The following DECR2 variants were observed in gnomAD, a reference collection of about 807,000 sequenced individuals.
The protein encoded by DECR2 is peroxisomal 2,4-dienoyl-CoA reductase [(3E)-enoyl-CoA-producing].
Under a neutral mutation model 29.2 loss-of-function variants are expected in DECR2, and 34 were observed. That is an observed-to-expected ratio of 1.16 (90% CI 0.89 to 1.55). DECR2 has a LOEUF of 1.55. DECR2 is among the 40% of genes most tolerant of loss of function. The pLI is 0.00. For synonymous variants in DECR2, 224 were observed against 182.7 expected (o/e 1.23, Z -1.82); for missense variants, 485 against 425.3 (o/e 1.14, Z -1.23).
Position 411,521 on chromosome 16 carries a change from G to A in DECR2, c.822G>A (p.Thr274=), listed in dbSNP as rs781188828. The A allele has an allele frequency of 6.7e-5, 108 of 1,613,946 alleles. No homozygotes were observed. Among genetic ancestry groups the A allele is most frequent in the Non-Finnish European group, 8.8e-5 (104 of 1,180,012 alleles). Residue 274 remains threonine (T), a synonymous_variant, in exon 8 of 9, where the codon ACG becomes ACA. Coordinates refer to ENST00000219481, the MANE Select transcript of DECR2 (RefSeq NM_020664.4). Reference sequence around the variant, plus strand: ...TGGCCGATGGCGGGGCATGGTTGACGTTCCCAAACGGTGTCAAAGGGCTGC... The same window carrying A: ...TGGCCGATGGCGGGGCATGGTTGACATTCCCAAACGGTGTCAAAGGGCTGC... ...VLVADGGAWL[T]FPNGVKGLPD... is the part of the protein sequence containing the mutation.
intron 2 of DECR2, among the ~76,000 whole-genome samples, chr16:405,857 T>A (rs117498038): frequency 2.2e-4 from 33 of 152,318 alleles, no homozygotes; most frequent in African/African-American, 7.7e-4. Flanking sequence ...GACTTCTTTG[T>A]GCTCTTTCGC....
At chr16:404,887 C>T in intron 1 of DECR2, 69 bp from the exon 2 acceptor site, 1 of 1,559,726 alleles carries the variant, frequency 6.4e-7, no homozygotes, top group Non-Finnish European at 8.8e-7. Flanking sequence ...CTTGGCCTTC[C>T]AAAGTGCTGG....
intron 1 of DECR2, among the ~76,000 whole-genome samples, chr16:404,262 A>G (rs1195610365): frequency 6.6e-6 from 1 of 151,798 alleles, no homozygotes; most frequent in African/African-American, 2.4e-5. Flanking sequence ...TTTTAAGACC[A>G]TGTTTCGCTC....
chr16:411,565 C>A lies in DECR2; in HGVS notation c.866C>A (p.Ser289Tyr), dbSNP rs1197745339. 1 of 1,612,438 alleles carries A rather than the reference C, an allele frequency of 6.2e-7. No individual in the cohort carries two copies. The highest frequency in any genetic ancestry group is 1.7e-5 in the Admixed American group (1 of 59,890). The change falls in exon 8 of 9, where the codon TCT becomes TAT. Residue 289 changes from serine to tyrosine, a missense_variant. Coordinates refer to ENST00000219481, the MANE Select transcript of DECR2 (RefSeq NM_020664.4). ...GGGCTGCCGGATTTCGCATCCTTCT[C>A]TGCTAAGCTCTAGGTGAGGTACTGC... ...VKGLPDFASF[S>Y]AKL is the part of the protein sequence containing the mutation.
intron 2 of DECR2, chr16:405,568 G>T: frequency 1.5e-6 from 2 of 1,304,596 alleles, no homozygotes; most frequent in Non-Finnish European, 2.0e-6. Flanking sequence ...CCTAGCAGGG[G>T]TAGCTACCTT....
intron 4 of DECR2, among the ~76,000 whole-genome samples, chr16:408,276 C>T (rs547786541): frequency 3.8e-4 from 54 of 142,058 alleles, no homozygotes; most frequent in Middle Eastern, 4.1e-3. Flanking sequence ...CCTCTGTCTC[C>T]GGCCCCATCT....
chr16:405,618 C>T, intron 2 of DECR2: 1 of 1,302,960 alleles, frequency 7.7e-7, no homozygotes, highest in Non-Finnish European at 1.0e-6. Flanking sequence ...ACCAGAAGAG[C>T]CGAGAAACCA....
In DECR2 at chr16:411,093, GC is replaced by G. The variant is rs2054813268; in HGVS notation, c.661+20del. On this transcript the variant is annotated intron_variant, in intron 7 of 8. Transcript: ENST00000219481. ...GGCGACTGGGTAAGGCTCTCAGGGAGCCCAGGCCTCCCACAGATCCTCTCCT... is the reference window on the plus strand; with the variant it reads ...GGCGACTGGGTAAGGCTCTCAGGGAGCCAGGCCTCCCACAGATCCTCTCCT... The G allele has an allele frequency of 1.3e-6, 2 of 1,490,054 alleles. No homozygotes were observed. Among genetic ancestry groups the G allele is most frequent in the Non-Finnish European group, 1.8e-6 (2 of 1,122,916 alleles). 92.3% of individuals were successfully genotyped at this position (1,490,054 alleles called of 1,614,324 possible).
chr16:402,413 G>T (rs1348094650), intron 1 of DECR2, among the ~76,000 whole-genome samples: 1 of 151,902 alleles, frequency 6.6e-6, no homozygotes, highest in African/African-American at 2.4e-5. Flanking sequence ...GGATTTACAG[G>T]CGTGAGCCAC....
chr16:410,600 C>T lies in DECR2; in HGVS notation c.463-91C>T. Reference sequence around the variant, plus strand: ...CCCCTGACGGCCGCCCGCTCCCTGCCCCGGGCCTCCCCCTGACAGCCACCC... The same window carrying T: ...CCCCTGACGGCCGCCCGCTCCCTGCTCCGGGCCTCCCCCTGACAGCCACCC... On this transcript the variant is annotated intron_variant, in intron 5 of 8. Coordinates refer to ENST00000219481, the MANE Select transcript of DECR2 (RefSeq NM_020664.4). The surrounding 1 kb of genome is among the most constrained non-coding windows in gnomAD (Gnocchi z 4.1). 2 of 1,412,764 alleles carry T rather than the reference C, an allele frequency of 1.4e-6. No individual in the cohort carries two copies. The highest frequency in any genetic ancestry group is 2.8e-5 in the African/African-American group (2 of 70,840). 87.5% of individuals were successfully genotyped at this position (1,412,764 alleles called of 1,614,324 possible).
chr16:408,114 T>TCTGTCTCCAGCCCC (rs1327159345), intron 4 of DECR2, among the ~76,000 whole-genome samples: 1,160 of 7,912 alleles, frequency 0.15, 556 homozygotes, highest in South Asian at 0.5. Context: ...TCTCCGGACC[T>TCTGTCTCCAGCCCC]CTGTCTCCGG....
intron 4 of DECR2, 69 bp downstream of exon 4, chr16:407,629 T>G: frequency 6.3e-7 from 1 of 1,588,716 alleles, no homozygotes; most frequent in South Asian, 1.1e-5. Flanking sequence ...GCCCTAGAAC[T>G]CTGGTCATGG....
chr16:402,738 C>G (rs1346572601), intron 1 of DECR2, among the ~76,000 whole-genome samples: 1 of 151,706 alleles, frequency 6.6e-6, no homozygotes, highest in Non-Finnish European at 1.5e-5. Flanking sequence ...AATCCCAGCT[C>G]TTTGGGAGGC....
At chr16:402,939 C>T (rs376632749) in intron 1 of DECR2, 10 of 719,268 alleles carry the variant, frequency 1.4e-5, no homozygotes, top group East Asian at 1.3e-4. Context: ...GAGCCGAGAT[C>T]GCACCATTGC....
In DECR2 at chr16:401,994, G is replaced by A. The variant is rs1323637285; in HGVS notation, c.31G>A (p.Asp11Asn). The A allele has an allele frequency of 1.3e-6, 2 of 1,491,224 alleles. No homozygotes were observed. Among genetic ancestry groups the A allele is most frequent in the East Asian group, 2.9e-5 (1 of 34,570 alleles). The allele number at this position is 1,491,224 out of a possible 1,614,324, so 92.4% of individuals were successfully genotyped here. A position where few individuals can be genotyped will look rare whatever the true frequency, so the allele number is the denominator to read the frequency against. Reference sequence around the variant, plus strand: ...CCAGCCGCCGCCCGACGTGGAGGGGGACGACTGTCTCCCCGCGTACCGCCA... The same window carrying A: ...CCAGCCGCCGCCCGACGTGGAGGGGAACGACTGTCTCCCCGCGTACCGCCA... Reference protein sequence around the residue: MAQPPPDVEGDDCLPAYRHLF... With the variant: MAQPPPDVEGNDCLPAYRHLF... The change falls in exon 1 of 9, where the codon GAC becomes AAC. Residue 11 changes from aspartate to asparagine, a missense_variant. By Grantham distance (23) the Asp-to-Asn change is conservative (BLOSUM62 1). Coordinates refer to ENST00000219481, the MANE Select transcript of DECR2 (RefSeq NM_020664.4).
intron 1 of DECR2, among the ~76,000 whole-genome samples, chr16:403,525 A>G (rs754687301): frequency 3.9e-5 from 6 of 152,190 alleles, no homozygotes; most frequent in Non-Finnish European, 8.8e-5. Context: ...AGTGCCATGC[A>G]GGGCTTAGGA....
chr16:405,151 A>G, intron 2 of DECR2, 127 bp downstream of exon 2: 1 of 1,188,270 alleles, frequency 8.4e-7, no homozygotes, highest in Non-Finnish European at 1.2e-6. Context: ...GACAGGATCC[A>G]GGTGCCTGCC....
intron 3 of DECR2, 93 bp downstream of exon 3, chr16:406,490 G>A: frequency 2.2e-6 from 3 of 1,360,804 alleles, no homozygotes; most frequent in Non-Finnish European, 2.0e-6. Flanking sequence ...CTATGGGGAT[G>A]TTGGCACCAA....
chr16:406,951 G>T, intron 3 of DECR2: 1 of 1,024,614 alleles, frequency 9.8e-7, no homozygotes, highest in Non-Finnish European at 1.2e-6. Flanking sequence ...TGGAGCTTCA[G>T]TGTAAGTGGC....
Sources: gnomAD v4.1 joint callset for allele counts (sites outside exome capture counted in the v4.1 genomes callset) on GRCh38, gnomAD v4.1.1 for gene constraint, Gnocchi (gnomAD v3.1) non-coding constraint, MANE v1.5 for transcripts, NCBI Gene and HGNC (gene_info 2026-07-23, HGNC 2026-07-21) for gene names.